The following GALNTL6 variants were observed in gnomAD, a reference collection of about 807,000 sequenced individuals.
GALNTL6 encodes polypeptide N-acetylgalactosaminyltransferase-like 6.
Under a neutral mutation model 73.7 loss-of-function variants are expected in GALNTL6, and 46 were observed. The ratio of observed to expected loss-of-function variants is 0.62; its 90% CI spans 0.49 to 0.80. GALNTL6 has a LOEUF of 0.80. Ranked by LOEUF, GALNTL6 falls within the 30% of genes least tolerant of loss-of-function variation. The probability of loss-of-function intolerance (pLI) is 0.00; values close to 1 mark genes in which losing one functional copy is unlikely to be tolerated. For missense variants in GALNTL6, 604 were observed against 755.0 expected, an observed-to-expected ratio of 0.80 and a Z score of 2.34; for synonymous variants, 259 against 263.7, an observed-to-expected ratio of 0.98 and a Z score of 0.17.
rs1404226350 is a variant in GALNTL6 at position 172,931,212 on chromosome 4, C to T, written c.1093C>T (p.His365Tyr). The change falls in exon 9 of 13, where the codon CAT (histidine) becomes TAT (tyrosine). Residue 365 changes from histidine to tyrosine, a missense_variant. His to Tyr is a moderately conservative substitution (Grantham distance 83, BLOSUM62 2). Around this residue, in one of 5 missense-constraint regions of GALNTL6, gnomAD observed 14 missense variants for 40.8 expected, o/e 0.34. Coordinates refer to ENST00000506823, the MANE Select transcript of GALNTL6 (RefSeq NM_001034845.3). ...TGATGTTCCATGTTCTAGAGTTGGT[C>T]ATATCTACAGGAAGTACGTTCCATA... ...MFDVPCSRVG[H>Y]IYRKYVPYKV... is the part of the protein sequence containing the mutation. The T allele has an allele frequency of 2.5e-6, 4 of 1,612,562 alleles. No individual in the cohort carries two copies. Among genetic ancestry groups the T allele is most frequent in the Non-Finnish European group, 3.4e-6 (4 of 1,178,744 alleles).
chr4:172,063,992 T>C (rs13126082), intron 2 of GALNTL6, among the ~76,000 whole-genome samples: 61,281 of 152,054 alleles, frequency 0.4, 13,632 homozygotes, highest in East Asian at 0.75. Context: ...CAAATCCTTC[T>C]CCTGCAGGAT....
chr4:172,326,016 T>C (rs932077365), intron 4 of GALNTL6, among the ~76,000 whole-genome samples: 1 of 151,794 alleles, frequency 6.6e-6, no homozygotes, highest in African/African-American at 2.4e-5. Context: ...TCACTGATCA[T>C]AGAATTAAAC....
At chr4:171,866,498 C>G (rs913638764) in intron 2 of GALNTL6, among the ~76,000 whole-genome samples, 1 of 152,138 alleles carries the variant, frequency 6.6e-6, no homozygotes, top group Non-Finnish European at 1.5e-5. Context: ...TTCTCTCTCT[C>G]TCTTTCAAAT....
intron 5 of GALNTL6, among the ~76,000 whole-genome samples, chr4:172,457,273 G>A (rs1732432816): frequency 6.7e-6 from 1 of 148,916 alleles, no homozygotes; most frequent in Non-Finnish European, 1.5e-5. Flanking sequence ...AAATTGTAAA[G>A]ACCATTGACA....
At chr4:172,681,855 C>T (rs1732649627) in intron 5 of GALNTL6, among the ~76,000 whole-genome samples, 1 of 152,150 alleles carries the variant, frequency 6.6e-6, no homozygotes, top group Non-Finnish European at 1.5e-5. Context: ...CCTCCTGTTC[C>T]TATCAAATTA....
At chr4:172,105,615 T>A (rs1233361445) in intron 2 of GALNTL6, among the ~76,000 whole-genome samples, 1 of 152,032 alleles carries the variant, frequency 6.6e-6, no homozygotes, top group Non-Finnish European at 1.5e-5. Context: ...AAACACAGAT[T>A]ATCTACAAAA....
At chr4:173,017,725 AG>A (rs551244707) in intron 11 of GALNTL6, among the ~76,000 whole-genome samples, 91 of 152,342 alleles carry the variant, frequency 6.0e-4, no homozygotes, top group African/African-American at 2.1e-3. Context: ...GCTAACCATC[AG>A]GCTACAAATG....
chr4:172,815,703 C>A (rs898549910), intron 7 of GALNTL6, among the ~76,000 whole-genome samples: 2 of 152,188 alleles, frequency 1.3e-5, no homozygotes, highest in Admixed American at 6.5e-5. Flanking sequence ...CTTGCTTAAC[C>A]ACAGAGCTGG....
At chr4:172,318,898 TATG>T (rs889881506) in intron 4 of GALNTL6, among the ~76,000 whole-genome samples, 3 of 152,146 alleles carry the variant, frequency 2.0e-5, no homozygotes, top group Admixed American at 6.5e-5. Flanking sequence ...TCTGTAATCT[TATG>T]ATAAGGATCA....
Position 172,432,442 on chromosome 4 carries a change from G to A in GALNTL6, c.553+83753G>A, listed in dbSNP as rs1033048949. 2.6e-5 allele frequency among the ~76,000 whole-genome samples: 4 copies of A among 151,850 alleles called. 1 individual carries two copies. Among genetic ancestry groups the A allele is most frequent in the South Asian group, 4.2e-4 (2 of 4,816 alleles). ...AAAGAATAAAGATTTTTCAGTGTCCGAAATTACATCACGCAAACCCTCTGA... is the reference window on the plus strand; with the variant it reads ...AAAGAATAAAGATTTTTCAGTGTCCAAAATTACATCACGCAAACCCTCTGA... On this transcript the variant is annotated intron_variant, in intron 5 of 12. Coordinates refer to ENST00000506823, the MANE Select transcript of GALNTL6 (RefSeq NM_001034845.3).
chr4:173,007,436 A>G (rs954707231), intron 10 of GALNTL6, among the ~76,000 whole-genome samples: 1 of 152,222 alleles, frequency 6.6e-6, no homozygotes. Context: ...ATAGCAAACT[A>G]TCAAGAATAT....
chr4:172,693,914 A>C (rs1196708904), intron 5 of GALNTL6, among the ~76,000 whole-genome samples: 1 of 152,208 alleles, frequency 6.6e-6, no homozygotes, highest in Non-Finnish European at 1.5e-5. Context: ...GTTATAATGT[A>C]GTGACTGTCC....
At chr4:172,010,311 GT>G (rs1324448452) in intron 2 of GALNTL6, among the ~76,000 whole-genome samples, 2 of 87,408 alleles carry the variant, frequency 2.3e-5, no homozygotes, top group Non-Finnish European at 2.3e-5. Flanking sequence ...TAAAATGTAA[GT>G]TTTTCCCTAA....
intron 2 of GALNTL6, among the ~76,000 whole-genome samples, chr4:172,051,549 T>G (rs1224504472): frequency 6.6e-6 from 1 of 152,116 alleles, no homozygotes; most frequent in African/African-American, 2.4e-5. Flanking sequence ...TGATCTCCTC[T>G]CTGATCATCC....
chr4:172,482,019 C>T (rs890416165), intron 5 of GALNTL6, among the ~76,000 whole-genome samples: 6 of 152,202 alleles, frequency 3.9e-5, no homozygotes, highest in South Asian at 2.1e-4. Context: ...CCCACCCCAC[C>T]GGGAGGCAGC....
intron 12 of GALNTL6, among the ~76,000 whole-genome samples, chr4:173,028,342 G>A (rs372844205): frequency 6.6e-6 from 1 of 152,318 alleles, no homozygotes; most frequent in South Asian, 2.1e-4. Context: ...TGAAGCCTGG[G>A]TATTGATATT....
intron 5 of GALNTL6, among the ~76,000 whole-genome samples, chr4:172,732,771 G>T: frequency 6.6e-6 from 1 of 152,030 alleles, no homozygotes. Flanking sequence ...TTAAAGGGAT[G>T]GTGACTTATC....
At chr4:172,283,045 G>A (rs1739120882) in intron 3 of GALNTL6, among the ~76,000 whole-genome samples, 1 of 152,116 alleles carries the variant, frequency 6.6e-6, no homozygotes, top group African/African-American at 2.4e-5. Context: ...TTGGGATCTG[G>A]TTTAATGAGG....
chr4:172,759,879 G>A lies in GALNTL6; in HGVS notation c.554-49482G>A, dbSNP rs55760926. Among the ~76,000 whole-genome samples the A allele has an allele frequency of 6.6e-3, 838 of 126,294 alleles. 11 individuals are homozygous for A. Among genetic ancestry groups the A allele is most frequent in the African/African-American group, 0.021 (653 of 30,906 alleles). 82.9% of individuals were successfully genotyped at this position (126,294 alleles called of 152,430 possible). On this transcript the variant is annotated intron_variant, in intron 5 of 12. Transcript: ENST00000506823. ...GAGTCTCGCTCTGTCGCCCAGGCCGGACTGCGGACTGCAGTGGCGCAATCT... is the reference window on the plus strand; with the variant it reads ...GAGTCTCGCTCTGTCGCCCAGGCCGAACTGCGGACTGCAGTGGCGCAATCT...
Sources: allele counts gnomAD v4.1 joint callset (sites outside exome capture counted in the v4.1 genomes callset), GRCh38; gene constraint gnomAD v4.1.1; regional missense constraint gnomAD v4.1.1; transcripts MANE v1.5; gene names NCBI Gene and HGNC (gene_info 2026-07-23, HGNC 2026-07-21).